Variants in LRRK2 observed in about 807,000 individuals in gnomAD.
The protein encoded by LRRK2 is leucine-rich repeat serine/threonine-protein kinase 2.
A neutral mutation model predicts 302.6 loss-of-function variants in LRRK2; 203 were observed. That is an observed-to-expected ratio of 0.67 (90% CI 0.60 to 0.75). The LOEUF is 0.75. LRRK2 is among the 30% of genes least tolerant of loss of function. The pLI is 0.00. For missense variants in LRRK2, 2,830 were observed against 2,951.0 expected (o/e 0.96, Z 0.95); for synonymous variants, 1,066 against 1,031.9 (o/e 1.03, Z -0.63).
At chr12:40,295,746 G>C in intron 23 of LRRK2, 102 bp downstream of exon 23, 1 of 1,096,218 alleles carries the variant, frequency 9.1e-7, no homozygotes, top group African/African-American at 1.6e-5. Flanking sequence ...TTCTACTTTT[G>C]TGTCACTGGG....
chr12:40,336,661 C>T (rs2404835), intron 40 of LRRK2, among the ~76,000 whole-genome samples: 58,430 of 152,004 alleles, frequency 0.38, 11,434 homozygotes, highest in East Asian at 0.47. Context: ...CAGAAATGTT[C>T]CTTCCTGAAA....
At chr12:40,367,145 T>A (rs1946902802) in intron 50 of LRRK2, 68 bp downstream of exon 50, 2 of 1,232,072 alleles carry the variant, frequency 1.6e-6, no homozygotes. Context: ...ATATTATGTG[T>A]TTCATAAATT....
At chr12:40,360,433 C>A (rs1039514921) in intron 47 of LRRK2, among the ~76,000 whole-genome samples, 1 of 152,034 alleles carries the variant, frequency 6.6e-6, no homozygotes, top group Admixed American at 6.6e-5. Context: ...ACTTGACCCT[C>A]CTAATTGTCA....
At chr12:40,262,389 AT>A (rs964921698) in intron 13 of LRRK2, among the ~76,000 whole-genome samples, 3 of 152,096 alleles carry the variant, frequency 2.0e-5, no homozygotes, top group Admixed American at 6.6e-5. Context: ...AATTGTAGAG[AT>A]TTTTAAGGTC....
intron 26 of LRRK2, 89 bp downstream of exon 26, chr12:40,302,971 A>T: frequency 1.1e-6 from 1 of 912,446 alleles, no homozygotes; most frequent in African/African-American, 1.7e-5. Context: ...TATAGAGGTA[A>T]TTGATTTCTA....
chr12:40,281,617 A>G (rs1943700751), intron 18 of LRRK2, among the ~76,000 whole-genome samples: 1 of 152,216 alleles, frequency 6.6e-6, no homozygotes, highest in African/African-American at 2.4e-5. Context: ...TTTCATAAAT[A>G]TGTGTGAATA....
At chr12:40,255,284 T>C (rs1271180072) in intron 11 of LRRK2, among the ~76,000 whole-genome samples, 1 of 152,002 alleles carries the variant, frequency 6.6e-6, no homozygotes, top group Non-Finnish European at 1.5e-5. Flanking sequence ...TCAGAGGAGA[T>C]GAAGTTGTGA....
intron 14 of LRRK2, among the ~76,000 whole-genome samples, chr12:40,272,085 G>A (rs2136589397): frequency 6.6e-6 from 1 of 152,266 alleles, no homozygotes; most frequent in Admixed American, 6.5e-5. Flanking sequence ...AGTATAAAAT[G>A]GAAATGCACA....
Position 40,274,707 on chromosome 12 carries a change from A to G in LRRK2, c.1781A>G (p.Gln594Arg). The G allele has an allele frequency of 6.2e-7, 1 of 1,614,094 alleles. No homozygotes were observed. Among genetic ancestry groups the G allele is most frequent in the Non-Finnish European group, 8.5e-7 (1 of 1,179,960 alleles). Residue 594 changes from glutamine (Q) to arginine (R), a missense_variant, in exon 15 of 51, where the codon CAG becomes CGG. Physicochemically the swap from Gln to Arg is conservative, Grantham distance 43. This residue lies in a region of LRRK2 where 2,121 missense variants were observed against 2,148.0 expected (regional missense o/e 0.99). Transcript: ENST00000298910. ...ATGGATTCAGTGCTTCACACACTGCAGATGTATCCAGATGACCAAGGTCAG... is the reference window on the plus strand; with the variant it reads ...ATGGATTCAGTGCTTCACACACTGCGGATGTATCCAGATGACCAAGGTCAG... ...GAMDSVLHTL[Q>R]MYPDDQEIQC...
chr12:40,261,645 G>T (rs1942781919), intron 13 of LRRK2, among the ~76,000 whole-genome samples: 1 of 152,032 alleles, frequency 6.6e-6, no homozygotes, highest in Non-Finnish European at 1.5e-5. Flanking sequence ...ATCATTCTAG[G>T]TATCAACAAG....
intron 3 of LRRK2, among the ~76,000 whole-genome samples, chr12:40,234,656 C>T (rs548106293): frequency 2.8e-4 from 43 of 151,944 alleles, no homozygotes; most frequent in African/African-American, 1.0e-3. Flanking sequence ...AGATTACAGG[C>T]GTGAGCAACG....
intron 23 of LRRK2, among the ~76,000 whole-genome samples, chr12:40,296,042 A>G (rs1286626817): frequency 3.3e-5 from 5 of 152,214 alleles, no homozygotes; most frequent in Non-Finnish European, 1.5e-5. Context: ...CAATATGAAC[A>G]TGTCACTCCG....
In LRRK2 at chr12:40,295,494, A is replaced by C. The variant is rs777615447; in HGVS notation, c.2946A>C (p.Glu982Asp). The part of the protein sequence containing the change: ...DSISSLASER[E>D]YITSLDLSAN... ...TTTCTTCTCTGGCTTCTGAGAGAGA[A>C]TATATTACATCACTAGACCTTTCAG... The change falls in exon 23 of 51, where the codon GAA becomes GAC. Residue 982 changes from glutamate to aspartate, a missense_variant. Transcript: ENST00000298910. 7 of 1,613,908 alleles carry C rather than the reference A, an allele frequency of 4.3e-6. No individual in the cohort carries two copies. Among genetic ancestry groups the C allele is most frequent in the Non-Finnish European group, 5.9e-6 (7 of 1,179,978 alleles).
chr12:40,334,729 T>C (rs1945817518), intron 39 of LRRK2, among the ~76,000 whole-genome samples: 1 of 152,270 alleles, frequency 6.6e-6, no homozygotes, highest in East Asian at 1.9e-4. Context: ...AGAAAATTTA[T>C]GTATATGTGG....
rs1429663799 is a variant in LRRK2 at position 40,333,393 on chromosome 12, CA to C, written c.5758-1573del. 3.3e-5 allele frequency among the ~76,000 whole-genome samples: 5 copies of C among 152,144 alleles called. No homozygotes were observed. In the East Asian group the frequency reaches 9.7e-4, roughly 29 times the overall value. On this transcript the variant is annotated intron_variant, in intron 39 of 50. Coordinates refer to ENST00000298910, the MANE Select transcript of LRRK2 (RefSeq NM_198578.4). ...TGGTTGTTAAGAAGCAGTGCTTCTGCAGCAATCACAGTTTAAAGCATGAATC... is the reference window on the plus strand; with the variant it reads ...TGGTTGTTAAGAAGCAGTGCTTCTGCGCAATCACAGTTTAAAGCATGAATC...
At chr12:40,309,043 T>C in intron 29 of LRRK2, 63 bp from the exon 30 acceptor site, 5 of 1,432,394 alleles carry the variant, frequency 3.5e-6, no homozygotes, top group Non-Finnish European at 4.8e-6. Flanking sequence ...GATTTTTTTT[T>C]AAAAAAGGAT....
At chr12:40,276,357 G>T (rs184731065) in intron 16 of LRRK2, among the ~76,000 whole-genome samples, 11 of 152,058 alleles carry the variant, frequency 7.2e-5, no homozygotes, top group Admixed American at 4.6e-4. Flanking sequence ...GTGCAGTGGC[G>T]CAGTCTCAGC....
intron 20 of LRRK2, among the ~76,000 whole-genome samples, chr12:40,290,920 A>G (rs1813163593): frequency 6.6e-6 from 1 of 152,024 alleles, no homozygotes; most frequent in Non-Finnish European, 1.5e-5. Flanking sequence ...CTTATTTTGT[A>G]ACAGAAACAT....
At chr12:40,244,106 G>A (rs149230663) in intron 7 of LRRK2, among the ~76,000 whole-genome samples, 1 of 152,042 alleles carries the variant, frequency 6.6e-6, no homozygotes, top group African/African-American at 2.4e-5. Context: ...ATTCCCAGTG[G>A]GGGAAGCTAC....
Sources: allele counts gnomAD v4.1 joint callset (sites outside exome capture counted in the v4.1 genomes callset), GRCh38; gene constraint gnomAD v4.1.1; regional missense constraint gnomAD v4.1.1; transcripts MANE v1.5; gene names NCBI Gene and HGNC (gene_info 2026-07-23, HGNC 2026-07-21).